The following VPS11 variants were observed in gnomAD, a reference collection of about 807,000 sequenced individuals.
VPS11 encodes the protein vacuolar protein sorting-associated protein 11 homolog.
VPS11 carries 51 observed loss-of-function variants against 106.8 expected under a neutral mutation model. That is an observed-to-expected ratio of 0.48 (90% confidence interval 0.38 to 0.60). VPS11 has a LOEUF of 0.60. Among genes scored for constraint, VPS11 ranks in the 20% least tolerant of loss-of-function variants. The pLI is 0.00. For missense variants in VPS11, 950 were observed against 1,190.0 expected (o/e 0.80, Z 2.97); for synonymous variants, 453 against 458.7 (o/e 0.99, Z 0.16).
intron 9 of VPS11, 111 bp from the exon 10 acceptor site, chr11:119,077,767 C>G: frequency 1.3e-6 from 2 of 1,550,804 alleles, no homozygotes; most frequent in Non-Finnish European, 8.7e-7. Flanking sequence ...AGGTGAGACT[C>G]TCAACTTGGG....
chr11:119,070,401 T>C lies in VPS11; in HGVS notation c.636+4T>C, dbSNP rs983964814. 6.2e-7 allele frequency: 1 copy of C among 1,609,630 alleles called. No homozygotes were observed. The highest frequency in any genetic ancestry group is 8.5e-7 in the Non-Finnish European group (1 of 1,176,972). On this transcript the variant is annotated splice_donor_region_variant and intron_variant, in intron 4 of 15. Transcript: ENST00000621676. ...TGTGACAACAGAGAACGTCCAGGTATGACCAAGGCCTCCACTCTTAGGAGC... is the reference window on the plus strand; with the variant it reads ...TGTGACAACAGAGAACGTCCAGGTACGACCAAGGCCTCCACTCTTAGGAGC...
At chr11:119,077,105 G>A in intron 8 of VPS11, 22 bp downstream of exon 8, 1 of 1,600,952 alleles carries the variant, frequency 6.2e-7, no homozygotes, top group South Asian at 1.1e-5. Context: ...TGTTGGTGGG[G>A]AAGTCTTGGA....
At chr11:119,068,061 G>C (rs1238783138) in intron 1 of VPS11, 51 bp downstream of exon 1, 11 of 1,521,144 alleles carry the variant, frequency 7.2e-6, no homozygotes, top group Non-Finnish European at 9.8e-6. Context: ...CGAAGAGATC[G>C]AGTTAGGATG....
rs111819639 is a variant in VPS11, at chr11:119,069,634, G to T, written c.472+57G>T. 1.1e-3 allele frequency: 1,799 copies of T among 1,609,738 alleles called. 11 individuals are homozygous for T. In the African/African-American group the frequency reaches 0.019, roughly 17 times the overall value. On this transcript the variant is annotated intron_variant, in intron 3 of 15. Coordinates refer to ENST00000621676, the MANE Select transcript of VPS11 (RefSeq NM_021729.6). ...TTTGTTATAGATTTTCTTCAGAGTT[G>T]CTTCTGCCTCTCATCTTTACTGTTT...
At chr11:119,071,193 G>T (rs1383459128) in intron 4 of VPS11, among the ~76,000 whole-genome samples, 1 of 152,114 alleles carries the variant, frequency 6.6e-6, no homozygotes, top group East Asian at 1.9e-4. Flanking sequence ...ACCACCCAAA[G>T]TGCTGGAATT....
chr11:119,081,604 A>C lies in VPS11; in HGVS notation c.2807A>C (p.His936Pro), dbSNP rs199817725. Reference protein sequence around the residue: ...EAGLQRDLLMHSRRGT With the variant: ...EAGLQRDLLMPSRRGT Reference sequence around the variant, plus strand: ...GGGCTGCAACGCGACCTACTCATGCACTCCAGGAGGGGCACTTAAGCAGCC... The same window carrying C: ...GGGCTGCAACGCGACCTACTCATGCCCTCCAGGAGGGGCACTTAAGCAGCC... Residue 936 changes from histidine (H) to proline (P), a missense_variant, in exon 16 of 16, where the codon CAC becomes CCC. Physicochemically the swap from His to Pro is moderately conservative, Grantham distance 77 (BLOSUM62 -2). This residue lies in a region of VPS11 where 453 missense variants were observed against 514.6 expected (regional missense o/e 0.88). Transcript: ENST00000621676. 1,342 of 1,613,738 alleles carry C rather than the reference A, an allele frequency of 8.3e-4. 7 individuals are homozygous for C. Among genetic ancestry groups the C allele is most frequent in the Middle Eastern group, 2.6e-3 (16 of 6,062 alleles).
At chr11:119,071,888 C>A (rs755560030) in intron 5 of VPS11, 45 bp downstream of exon 5, 41 of 1,583,524 alleles carry the variant, frequency 2.6e-5, no homozygotes, top group Admixed American at 5.2e-5. Flanking sequence ...TGGACTTGTT[C>A]CCCAGAATCC....
At position 119,081,554 on chromosome 11, in the gene VPS11, C is replaced by G; in HGVS notation, c.2757C>G (p.Ala919=). ...CTCTGCTGACCGACCCTCCCACAGC[C>G]AGACTGACCTCCAGCCTGGAGGCTG... is the stretch of plus-strand genomic sequence containing the variant. The part of the protein sequence containing the change: ...KLTLLTDPPT[A]RLTSSLEAGL... Residue 919 remains alanine, a synonymous_variant, in exon 16 of 16, where the codon GCC becomes GCG. Transcript: ENST00000621676. 6.2e-7 allele frequency: 1 copy of G among 1,614,018 alleles called. No homozygotes were observed.
rs995863925 is a variant in VPS11, at chr11:119,070,565, A to G, written c.636+168A>G. 3.0e-5 allele frequency: 22 copies of G among 738,750 alleles called. No individual in the cohort carries two copies. The African/African-American group carries it at 3.9e-4, about 13-fold the overall frequency. 45.8% of individuals were successfully genotyped at this position (738,750 alleles called of 1,614,324 possible). On this transcript the variant is annotated intron_variant, in intron 4 of 15. Transcript: ENST00000621676. Reference sequence around the variant, plus strand: ...TTATTTTTTTGCCTAGGAAGCTGGAAAGAGTTAGACTCTGGGCTTGTAGTA... The same window carrying G: ...TTATTTTTTTGCCTAGGAAGCTGGAGAGAGTTAGACTCTGGGCTTGTAGTA...
At chr11:119,077,701 G>A in intron 9 of VPS11, 54 bp downstream of exon 9, 1 of 1,547,016 alleles carries the variant, frequency 6.5e-7, no homozygotes, top group East Asian at 2.4e-5. Context: ...ATGTTGCCCA[G>A]GCTGGAGTTG....
At position 119,071,602 on chromosome 11, in the gene VPS11, A is replaced by G. The variant is rs547224283; in HGVS notation, c.643A>G (p.Ile215Val). 4 of 1,613,972 alleles carry G rather than the reference A, an allele frequency of 2.5e-6. No individual in the cohort carries two copies. Among genetic ancestry groups the G allele is most frequent in the South Asian group, 2.2e-5 (2 of 91,076 alleles). Residue 215 changes from isoleucine to valine, a missense_variant, in exon 5 of 16, where the codon ATA becomes GTA. Ile to Val is a conservative substitution (Grantham distance 29). Coordinates refer to ENST00000621676, the MANE Select transcript of VPS11 (RefSeq NM_021729.6). ...CCTTTGTTGCTTCTGGCAGTCCTATATAGTTTCTGGAAAAGACTACCCTCG... is the reference window on the plus strand; with the variant it reads ...CCTTTGTTGCTTCTGGCAGTCCTATGTAGTTTCTGGAAAAGACTACCCTCG... ...VVTTENVQSY[I>V]VSGKDYPRVE... is the part of the protein sequence containing the mutation.
intron 7 of VPS11, among the ~76,000 whole-genome samples, chr11:119,076,583 A>G (rs372737805): frequency 1.3e-5 from 2 of 152,254 alleles, no homozygotes; most frequent in African/African-American, 4.8e-5. Flanking sequence ...GAACAAAAAT[A>G]CAACAATAAA....
rs73562615 is a variant in VPS11, at chr11:119,075,311, G to A, written c.1238+1360G>A. ...GGCTGGGGTGCAGTGGCATGTGCCT[G>A]TGATCCTATCCCTTTGGGAGACCGA... On this transcript the variant is annotated intron_variant, in intron 7 of 15. Transcript: ENST00000621676. Among the ~76,000 whole-genome samples, 1,214 of 152,080 alleles carry A rather than the reference G, an allele frequency of 8.0e-3. 11 individuals carry two copies. The highest frequency in any genetic ancestry group is 0.027 in the African/African-American group (1,137 of 41,482).
Position 119,073,617 on chromosome 11 carries a change from TC to T in VPS11, c.1087-181del. The T allele has an allele frequency of 4.5e-6, 4 of 890,800 alleles. No individual in the cohort carries two copies. In the South Asian group the frequency reaches 5.4e-5, roughly 12 times the overall value. The allele number at this position is 890,800 out of a possible 1,614,324, so 55.2% of individuals were successfully genotyped here. ...GCCCACTCTAAGGGTTCACTTTGTTTCCAGAGAACCTTATGAAATAAGATGA... is the reference window on the plus strand; with the variant it reads ...GCCCACTCTAAGGGTTCACTTTGTTTCAGAGAACCTTATGAAATAAGATGA... On this transcript the variant is annotated intron_variant, in intron 6 of 15. Coordinates refer to ENST00000621676, the MANE Select transcript of VPS11 (RefSeq NM_021729.6).
intron 5 of VPS11, 158 bp from the exon 6 acceptor site, chr11:119,073,040 G>T: frequency 1.3e-6 from 1 of 768,826 alleles, no homozygotes; most frequent in Non-Finnish European, 2.1e-6. Flanking sequence ...TGTTCTCTAT[G>T]TACAACTACC....
intron 5 of VPS11, chr11:119,072,453 C>G (rs1003861444): frequency 1.3e-5 from 2 of 153,416 alleles, no homozygotes; most frequent in African/African-American, 4.8e-5. Flanking sequence ...TGCAGTGGCG[C>G]GATCTCGGCT....
chr11:119,078,978 C>T lies in VPS11; in HGVS notation c.2247C>T (p.Asn749=), dbSNP rs375193991. 9.9e-6 allele frequency: 16 copies of T among 1,613,914 alleles called. No homozygotes were observed. The African/African-American group carries it at 1.5e-4, about 15-fold the overall frequency. ...TCCTCAAGCATATCGAGAACAAGAACCTCATGCCACCTCTTCTAGGTACTT... is the reference window on the plus strand; with the variant it reads ...TCCTCAAGCATATCGAGAACAAGAATCTCATGCCACCTCTTCTAGGTACTT... ...AAVLKHIENK[N]LMPPLLVVQT... is the part of the protein sequence containing the mutation. Residue 749 remains asparagine, a synonymous_variant, in exon 13 of 16, where the codon AAC becomes AAT. Transcript: ENST00000621676.
In VPS11 at chr11:119,081,449, TCTC is replaced by T. The variant is rs1444447706; in HGVS notation, c.2662-7_2662-5del. On this transcript the variant is annotated splice_region_variant and splice_polypyrimidine_tract_variant and intron_variant, in intron 15 of 15. Coordinates refer to ENST00000621676, the MANE Select transcript of VPS11 (RefSeq NM_021729.6). ...CTGATTCGTATTCCTTCCCTCCTCTTCTCCTGCAGCTCAAGTGCTCCAATGACA... is the reference window on the plus strand; with the variant it reads ...CTGATTCGTATTCCTTCCCTCCTCTTCTGCAGCTCAAGTGCTCCAATGACA... 6.2e-6 allele frequency: 10 copies of T among 1,613,838 alleles called. No individual in the cohort carries two copies. Among genetic ancestry groups the T allele is most frequent in the East Asian group, 4.5e-5 (2 of 44,880 alleles).
In VPS11 at chr11:119,069,574, A is replaced by G. The variant is rs1176129394; in HGVS notation, c.469A>G (p.Ile157Val). Residue 157 changes from isoleucine (I) to valine (V), a missense_variant, in exon 3 of 16, where the codon ATT becomes GTT. By Grantham distance (29) the Ile-to-Val change is conservative. This residue lies in a region of VPS11 where 435 missense variants were observed against 630.2 expected (regional missense o/e 0.69). Coordinates refer to ENST00000621676, the MANE Select transcript of VPS11 (RefSeq NM_021729.6). Reference protein sequence around the residue: ...TVHENLNFMAIGFTDGSVTLN... With the variant: ...TVHENLNFMAVGFTDGSVTLN... ...CCATGAAAATCTCAACTTTATGGCC[A>G]TTGGTAAACAGAAGGCAAAACTAAC... The G allele has an allele frequency of 6.2e-7, 1 of 1,614,040 alleles. No homozygotes were observed. The highest frequency in any genetic ancestry group is 1.7e-5 in the Admixed American group (1 of 60,020).
Sources: gnomAD v4.1 joint callset for allele counts (sites outside exome capture counted in the v4.1 genomes callset) on GRCh38, gnomAD v4.1.1 for gene constraint, gnomAD v4.1.1 regional missense constraint, MANE v1.5 for transcripts, NCBI Gene and HGNC (gene_info 2026-07-23, HGNC 2026-07-21) for gene names.